The following RFFL variants were observed in gnomAD, a reference collection of about 807,000 sequenced individuals.
The protein encoded by RFFL is E3 ubiquitin-protein ligase rififylin.
Under a neutral mutation model 40.4 loss-of-function variants are expected in RFFL, and 16 were observed. The observed-to-expected ratio is 0.40, with a 90% CI of 0.27 to 0.60. The LOEUF (loss-of-function observed/expected upper bound fraction) is 0.60. Ranked by LOEUF, RFFL falls within the 20% of genes least tolerant of loss-of-function variation. The probability of loss-of-function intolerance (pLI) is 0.47; values close to 1 mark genes in which losing one functional copy is unlikely to be tolerated. For missense variants in RFFL, 367 were observed against 451.7 expected, an observed-to-expected ratio of 0.81 and a Z score of 1.70; for synonymous variants, 154 against 167.9, an observed-to-expected ratio of 0.92 and a Z score of 0.64.
At chr17:35,077,857 C>G (rs1251593023) in intron 1 of RFFL, among the ~76,000 whole-genome samples, 1 of 152,172 alleles carries the variant, frequency 6.6e-6, no homozygotes, top group Non-Finnish European at 1.5e-5. Flanking sequence ...ATGGCACACC[C>G]CAGACTATAA....
At chr17:35,079,146 TTG>T (rs1022080996) in intron 1 of RFFL, among the ~76,000 whole-genome samples, 9 of 152,174 alleles carry the variant, frequency 5.9e-5, no homozygotes, top group Non-Finnish European at 1.2e-4. Flanking sequence ...ATTTTTATGT[TTG>T]TGTTCCTGGG....
intron 1 of RFFL, among the ~76,000 whole-genome samples, chr17:35,049,251 T>C (rs1313945480): frequency 6.6e-6 from 1 of 152,150 alleles, no homozygotes; most frequent in Non-Finnish European, 1.5e-5. Flanking sequence ...CTCCTGGAAT[T>C]ACAAAGTGGA....
chr17:35,071,788 A>G (rs1373290869), intron 1 of RFFL, among the ~76,000 whole-genome samples: 1 of 152,192 alleles, frequency 6.6e-6, no homozygotes, highest in African/African-American at 2.4e-5. Flanking sequence ...TAATAGCCCC[A>G]AACTGGTAAC....
At chr17:35,052,508 G>A (rs1468090360) in intron 1 of RFFL, among the ~76,000 whole-genome samples, 2 of 152,092 alleles carry the variant, frequency 1.3e-5, no homozygotes, top group Non-Finnish European at 2.9e-5. Flanking sequence ...AAAAAAAAGG[G>A]GGTGGTAAAG....
chr17:35,019,807 A>G (rs1029199537), intron 3 of RFFL, among the ~76,000 whole-genome samples: 2 of 152,232 alleles, frequency 1.3e-5, no homozygotes, highest in African/African-American at 4.8e-5. Context: ...ACCAAGAGTC[A>G]GAGCTTAGGA....
chr17:35,017,408 T>C (rs2090980865), intron 4 of RFFL, 115 bp downstream of exon 4: 4 of 705,540 alleles, frequency 5.7e-6, no homozygotes, highest in Admixed American at 4.4e-5. Flanking sequence ...AAATATAATT[T>C]CGGAAGCACT....
upstream of RFFL, among the ~76,000 whole-genome samples, chr17:35,064,861 A>G (rs945132740): frequency 6.6e-6 from 1 of 152,214 alleles, no homozygotes; most frequent in Admixed American, 6.5e-5. Context: ...TTAATTTTCT[A>G]TTCAAGGGGC....
upstream of RFFL, among the ~76,000 whole-genome samples, chr17:35,065,866 A>G (rs2091318784): frequency 6.6e-6 from 1 of 152,230 alleles, no homozygotes; most frequent in African/African-American, 2.4e-5. Context: ...TAGTGGTTTC[A>G]GGCACTTGAG....
chr17:35,048,866 T>C (rs1219829496), intron 1 of RFFL, among the ~76,000 whole-genome samples: 5 of 152,194 alleles, frequency 3.3e-5, no homozygotes. Context: ...GGTTTGATGT[T>C]TGATCTCAAT....
chr17:35,055,441 G>A (rs1233266620), intron 1 of RFFL, among the ~76,000 whole-genome samples: 2 of 152,000 alleles, frequency 1.3e-5, no homozygotes, highest in Admixed American at 1.3e-4. Context: ...GGGAGGCCAA[G>A]GTGGGCGGAT....
At chr17:35,062,821 C>T (rs775927394) in intron 1 of RFFL, among the ~76,000 whole-genome samples, 8 of 151,960 alleles carry the variant, frequency 5.3e-5, no homozygotes, top group Admixed American at 1.3e-4. Flanking sequence ...AAAAGTTTGG[C>T]GATGAAAAGC....
chr17:35,065,347 G>A (rs2091314995), upstream of RFFL, among the ~76,000 whole-genome samples: 1 of 152,022 alleles, frequency 6.6e-6, no homozygotes. Context: ...CCTGAGGTCG[G>A]GAGTTCAAGA....
At chr17:35,015,101 G>A (rs973664296) in intron 5 of RFFL, among the ~76,000 whole-genome samples, 9 of 152,090 alleles carry the variant, frequency 5.9e-5, no homozygotes, top group Admixed American at 2.0e-4. Flanking sequence ...TGAGTACCTG[G>A]GGACTACAGG....
chr17:35,045,355 C>A (rs1185874426), intron 1 of RFFL, among the ~76,000 whole-genome samples: 2 of 151,890 alleles, frequency 1.3e-5, no homozygotes, highest in Admixed American at 1.3e-4. Flanking sequence ...GCTTCAGCCT[C>A]CTGAGTAGCT....
chr17:35,070,942 T>C (rs2091345515), intron 1 of RFFL, among the ~76,000 whole-genome samples: 1 of 152,120 alleles, frequency 6.6e-6, no homozygotes, highest in Non-Finnish European at 1.5e-5. Context: ...CATGCCTGTA[T>C]TTGCAGCACT....
chr17:35,064,013 G>C (rs949363758), upstream of RFFL, among the ~76,000 whole-genome samples: 2 of 152,192 alleles, frequency 1.3e-5, no homozygotes, highest in African/African-American at 4.8e-5. Flanking sequence ...GAACAGGCTG[G>C]GGCTGGGGCC....
intron 1 of RFFL, among the ~76,000 whole-genome samples, chr17:35,046,799 C>A (rs1487581761): frequency 6.6e-6 from 1 of 152,206 alleles, no homozygotes; most frequent in Non-Finnish European, 1.5e-5. Flanking sequence ...CAAAATATCA[C>A]CCCTGGGGTC....
rs1339440174 is a variant in RFFL at position 35,010,803 on chromosome 17, A to T, written c.*1165T>A. On this transcript the variant is annotated 3_prime_UTR_variant, in exon 7 of 7. Transcript: ENST00000394597. The stretch of plus-strand genomic sequence containing the variant: ...TGCCCCCAAAAATCAGTGGGCTAGG[A>T]AAGGGAATGAAAGTAGGGTCTCCTC... 2.0e-5 allele frequency: 3 copies of T among 151,904 alleles called. No individual in the cohort carries two copies. The highest frequency in any genetic ancestry group is 7.3e-5 in the African/African-American group (3 of 41,334). The allele number at this position is 151,904 out of a possible 1,614,324, so 9.4% of individuals were successfully genotyped here.
chr17:35,029,192 T>C (rs1356531041), intron 1 of RFFL, among the ~76,000 whole-genome samples: 4 of 151,920 alleles, frequency 2.6e-5, no homozygotes, highest in Non-Finnish European at 4.4e-5. Context: ...TTGCAAGTAA[T>C]CTGCCTTTAC....
Sources: gnomAD v4.1 joint callset for allele counts (sites outside exome capture counted in the v4.1 genomes callset) on GRCh38, gnomAD v4.1.1 for gene constraint, MANE v1.5 for transcripts, NCBI Gene and HGNC (gene_info 2026-07-23, HGNC 2026-07-21) for gene names.